OXCT1: variants seen among roughly 807,000 people sequenced by gnomAD.
OXCT1 encodes succinyl-CoA:3-ketoacid coenzyme A transferase 1, mitochondrial.
OXCT1 carries 27 observed loss-of-function variants against 69.6 expected under a neutral mutation model. The observed-to-expected ratio is 0.39, with a 90% CI of 0.29 to 0.54. The LOEUF (loss-of-function observed/expected upper bound fraction) is 0.54, where lower values mean the gene tolerates loss of function less well. OXCT1 is among the 20% of genes least tolerant of loss of function. The pLI is 0.72. For missense variants in OXCT1, 437 were observed against 650.2 expected (o/e 0.67, Z 3.57); for synonymous variants, 202 against 217.8 (o/e 0.93, Z 0.64).
chr5:41,859,896 AT>A (rs1749656057), intron 3 of OXCT1, among the ~76,000 whole-genome samples: 1 of 134,740 alleles, frequency 7.4e-6, no homozygotes, highest in Non-Finnish European at 1.6e-5. Context: ...TGTAATATAT[AT>A]ATATATATAT....
chr5:41,731,711 G>T lies in OXCT1; in HGVS notation c.*18C>A. On this transcript the variant is annotated 3_prime_UTR_variant, in exon 17 of 17. Transcript: ENST00000196371. ...GTTTAAAATGAAAAACACGCAGCCTGGTACAAATATCCATATTTCAATTTG... is the reference window on the plus strand; with the variant it reads ...GTTTAAAATGAAAAACACGCAGCCTTGTACAAATATCCATATTTCAATTTG... The T allele has an allele frequency of 6.2e-7, 1 of 1,602,326 alleles. No individual in the cohort carries two copies. Among genetic ancestry groups the T allele is most frequent in the Admixed American group, 1.7e-5 (1 of 58,900 alleles).
chr5:41,834,063 G>T (rs142681832), intron 7 of OXCT1, among the ~76,000 whole-genome samples: 1 of 150,976 alleles, frequency 6.6e-6, no homozygotes, highest in Non-Finnish European at 1.5e-5. Context: ...ATTTGTTTAT[G>T]CAATTAGTGT....
intron 1 of OXCT1, among the ~76,000 whole-genome samples, chr5:41,865,041 T>C (rs529644192): frequency 1.3e-5 from 2 of 152,294 alleles, no homozygotes; most frequent in Admixed American, 1.3e-4. Flanking sequence ...TATATACCTA[T>C]AGAGGCTTTT....
At chr5:41,755,128 A>G (rs1454605752) in intron 14 of OXCT1, among the ~76,000 whole-genome samples, 1 of 152,056 alleles carries the variant, frequency 6.6e-6, no homozygotes, top group East Asian at 1.9e-4. Flanking sequence ...AGCCTCTGTT[A>G]GCATTAGTTT....
At chr5:41,818,082 T>C (rs1400955441) in intron 7 of OXCT1, among the ~76,000 whole-genome samples, 1 of 152,202 alleles carries the variant, frequency 6.6e-6, no homozygotes, top group Non-Finnish European at 1.5e-5. Context: ...GTGACTCAAA[T>C]ATCATTTAAT....
chr5:41,749,627 TCAAAAAGAGTAGTTAGGGAG>T lies in OXCT1; in HGVS notation c.1339-40_1339-21del, dbSNP rs770505733. 4.6e-5 allele frequency: 70 copies of T among 1,506,342 alleles called. No homozygotes were observed. In the Middle Eastern group the frequency reaches 5.2e-4, roughly 11 times the overall value. 93.3% of individuals were successfully genotyped at this position (1,506,342 alleles called of 1,614,324 possible). A position where few individuals can be genotyped will look rare whatever the true frequency, so the allele number is the denominator to read the frequency against. On this transcript the variant is annotated intron_variant, in intron 14 of 16. Transcript: ENST00000196371. ...ATTTCCCTGTTTTAAAAAGAAAACA[TCAAAAAGAGTAGTTAGGGAG>T]CAATTTTTATTTAGAATTGGCATAA...
intron 2 of OXCT1, among the ~76,000 whole-genome samples, chr5:41,861,963 C>A (rs1191126774): frequency 2.6e-5 from 4 of 152,130 alleles, no homozygotes; most frequent in Non-Finnish European, 5.9e-5. Flanking sequence ...GTAATCCCAG[C>A]GCTTTGGGAG....
chr5:41,743,593 T>C (rs1319139560), intron 15 of OXCT1, among the ~76,000 whole-genome samples: 1 of 152,236 alleles, frequency 6.6e-6, no homozygotes, highest in Non-Finnish European at 1.5e-5. Context: ...GGTTTTCTTC[T>C]AGGGTTTTTA....
At chr5:41,776,114 C>A (rs538632512) in intron 13 of OXCT1, among the ~76,000 whole-genome samples, 24 of 152,324 alleles carry the variant, frequency 1.6e-4, no homozygotes, top group African/African-American at 4.8e-4. Flanking sequence ...GGGCACTCTA[C>A]TTCTATGATA....
intron 1 of OXCT1, 52 bp from the exon 2 acceptor site, chr5:41,862,802 T>C (rs1261349697): frequency 1.9e-6 from 2 of 1,043,256 alleles, no homozygotes; most frequent in Non-Finnish European, 1.5e-6. Flanking sequence ...ACAGCTTTAC[T>C]TTGTGTGTGT....
intron 15 of OXCT1, among the ~76,000 whole-genome samples, chr5:41,747,680 T>TG (rs1416967293): frequency 6.6e-6 from 1 of 151,996 alleles, no homozygotes; most frequent in Non-Finnish European, 1.5e-5. Flanking sequence ...CAAAAGAACA[T>TG]GGTCCAGGGA....
chr5:41,792,370 G>A (rs1432937729), intron 13 of OXCT1, among the ~76,000 whole-genome samples: 2 of 152,082 alleles, frequency 1.3e-5, no homozygotes, highest in Admixed American at 6.5e-5. Flanking sequence ...AACCAAATGA[G>A]ACCCCTAAAA....
chr5:41,837,138 C>T (rs1748404939), intron 7 of OXCT1, among the ~76,000 whole-genome samples: 1 of 151,954 alleles, frequency 6.6e-6, no homozygotes, highest in Non-Finnish European at 1.5e-5. Flanking sequence ...TAGTTCTATC[C>T]TCTTTAAAAC....
At chr5:41,808,009 G>T (rs1746770069) in intron 7 of OXCT1, among the ~76,000 whole-genome samples, 1 of 151,836 alleles carries the variant, frequency 6.6e-6, no homozygotes, top group Non-Finnish European at 1.5e-5. Flanking sequence ...TTCCAATATG[G>T]AAACTTCAAA....
chr5:41,837,563 CA>C (rs777241187), intron 7 of OXCT1, among the ~76,000 whole-genome samples: 319 of 27,928 alleles, frequency 0.011, no homozygotes, highest in Admixed American at 0.012. Flanking sequence ...GGTACTAGAA[CA>C]AAAAAAAAAA....
chr5:41,757,159 T>A (rs888122532), intron 14 of OXCT1, among the ~76,000 whole-genome samples: 5 of 152,148 alleles, frequency 3.3e-5, no homozygotes, highest in Admixed American at 2.6e-4. Flanking sequence ...CTCTGGCCAC[T>A]GTGTGTGTTT....
At chr5:41,814,062 T>C (rs955714957) in intron 7 of OXCT1, among the ~76,000 whole-genome samples, 2 of 152,126 alleles carry the variant, frequency 1.3e-5, no homozygotes, top group African/African-American at 4.8e-5. Flanking sequence ...TTCATTCTTA[T>C]AGCTCTGTTC....
At chr5:41,813,569 T>C (rs1004368097) in intron 7 of OXCT1, among the ~76,000 whole-genome samples, 1 of 152,120 alleles carries the variant, frequency 6.6e-6, no homozygotes, top group African/African-American at 2.4e-5. Flanking sequence ...TCAGTCAACA[T>C]ATTTACAAGG....
In OXCT1 at chr5:41,861,311, T is replaced by C. The variant is rs770635404; in HGVS notation, c.278+3A>G. 1.3e-6 allele frequency: 2 copies of C among 1,562,394 alleles called. No individual in the cohort carries two copies. The highest frequency in any genetic ancestry group is 1.8e-6 in the Non-Finnish European group (2 of 1,133,152). On this transcript the variant is annotated splice_donor_region_variant and intron_variant, in intron 3 of 16. Transcript: ENST00000196371. ...GCCAATTGTTTTTAAAATGCACACT[T>C]ACCCTGCATTGTTGCTGACTGCAGT...
Sources: gnomAD v4.1 joint callset for allele counts (sites outside exome capture counted in the v4.1 genomes callset) on GRCh38, gnomAD v4.1.1 for gene constraint, MANE v1.5 for transcripts, NCBI Gene and HGNC (gene_info 2026-07-23, HGNC 2026-07-21) for gene names.